CCDC102B: variants seen among roughly 807,000 people sequenced by gnomAD.
CCDC102B encodes the protein coiled-coil domain containing 102B.
In CCDC102B, 75 loss-of-function variants were observed where a neutral mutation model predicts 57.4. The ratio of observed to expected loss-of-function variants is 1.31; its 90% CI spans 1.08 to 1.58. CCDC102B has a LOEUF of 1.58. Ranked by LOEUF, CCDC102B falls within the 40% of genes most tolerant of loss-of-function variation. The pLI is 0.00. For missense variants in CCDC102B, 636 were observed against 582.6 expected (o/e 1.09, Z -0.94); for synonymous variants, 206 against 201.9 (o/e 1.02, Z -0.17).
At position 68,908,010 on chromosome 18, in the gene CCDC102B, A is replaced by G. The variant is rs1473295124; in HGVS notation, c.1263+10582A>G. ...TTTTTTCTCCCTGATCAAGTATTGC[A>G]TTTCATCATATGCTTTTCTGCATCA... On this transcript the variant is annotated intron_variant, in intron 6 of 7. Transcript: ENST00000360242. 6.6e-5 allele frequency: 10 copies of G among 151,984 alleles called. No individual in the cohort carries two copies. In the South Asian group the frequency reaches 2.1e-3, roughly 31 times the overall value. 9.4% of individuals were successfully genotyped at this position (151,984 alleles called of 1,614,324 possible). A position where few individuals can be genotyped will look rare whatever the true frequency, so the allele number is the denominator to read the frequency against.
Position 68,790,094 on chromosome 18 carries a change from A to T in CCDC102B, c.-66-33272A>T, listed in dbSNP as rs1312330228. Among the ~76,000 whole-genome samples, 4 of 148,620 alleles carry T rather than the reference A, an allele frequency of 2.7e-5. 1 individual carries two copies. In the East Asian group the frequency reaches 7.9e-4, roughly 29 times the overall value. On this transcript the variant is annotated intron_variant, in intron 2 of 3. Transcript: ENST00000578970. The stretch of plus-strand genomic sequence containing the variant: ...GTCTGTTGGAATACCCTGCCATGTG[A>T]GGTGTCAGTCTGCCCCTGCTGGGGG...
At chr18:68,953,355 C>CTT (rs5825890) in intron 6 of CCDC102B, among the ~76,000 whole-genome samples, 10,854 of 125,406 alleles carry the variant, frequency 0.087, 656 homozygotes, top group African/African-American at 0.11. Flanking sequence ...CAATACTTGT[C>CTT]TTTTTTTTTT....
chr18:68,733,514 A>C (rs1186783992), intron 2 of CCDC102B, among the ~76,000 whole-genome samples: 5 of 135,098 alleles, frequency 3.7e-5, no homozygotes, highest in African/African-American at 7.9e-5. Context: ...ATATTTTTTT[A>C]ACTTAAGCAT....
chr18:69,052,595 G>A (rs936999502), intron 7 of CCDC102B, among the ~76,000 whole-genome samples: 3 of 151,826 alleles, frequency 2.0e-5, no homozygotes, highest in African/African-American at 7.2e-5. Flanking sequence ...ATCTTTGTGT[G>A]AAGGTCATAG....
At chr18:68,780,146 T>A (rs1021910171) in intron 2 of CCDC102B, among the ~76,000 whole-genome samples, 1 of 152,144 alleles carries the variant, frequency 6.6e-6, no homozygotes, top group Non-Finnish European at 1.5e-5. Context: ...TTCTTTTACT[T>A]ATCATAATGT....
At chr18:68,946,255 T>C (rs892591531) in intron 6 of CCDC102B, among the ~76,000 whole-genome samples, 3 of 152,058 alleles carry the variant, frequency 2.0e-5, no homozygotes, top group African/African-American at 7.2e-5. Flanking sequence ...ACCTGTAGTT[T>C]AGTTTCTGTT....
chr18:68,809,510 AT>A (rs1273007112), intron 1 of CCDC102B, among the ~76,000 whole-genome samples: 5 of 152,170 alleles, frequency 3.3e-5, no homozygotes, highest in Non-Finnish European at 7.4e-5. Context: ...ATTTAACTCA[AT>A]TTTTGTTCTA....
At chr18:68,746,916 A>T (rs1046577871) in intron 2 of CCDC102B, among the ~76,000 whole-genome samples, 1 of 152,008 alleles carries the variant, frequency 6.6e-6, no homozygotes, top group Non-Finnish European at 1.5e-5. Flanking sequence ...AGAACATGTA[A>T]CATAAGATCT....
At chr18:68,810,982 A>G (rs556530234) in intron 1 of CCDC102B, among the ~76,000 whole-genome samples, 64 of 152,092 alleles carry the variant, frequency 4.2e-4, no homozygotes, top group Non-Finnish European at 7.2e-4. Flanking sequence ...GTTTGCTGAG[A>G]ATGATGGTTT....
intron 6 of CCDC102B, among the ~76,000 whole-genome samples, chr18:68,933,516 T>C (rs1040893191): frequency 2.6e-5 from 4 of 151,852 alleles, no homozygotes; most frequent in Non-Finnish European, 5.9e-5. Context: ...GGTATTGACA[T>C]TGGGAGAGTC....
At chr18:68,911,717 A>C (rs370132870) in intron 6 of CCDC102B, among the ~76,000 whole-genome samples, 3 of 120,046 alleles carry the variant, frequency 2.5e-5, no homozygotes, top group Non-Finnish European at 3.3e-5. Flanking sequence ...GCGCCACTGC[A>C]CTCCAGCCTG....
chr18:68,883,413 GA>G (rs898556345), intron 5 of CCDC102B, among the ~76,000 whole-genome samples: 4 of 150,608 alleles, frequency 2.7e-5, no homozygotes, highest in African/African-American at 9.8e-5. Flanking sequence ...TCTATCATGA[GA>G]AAAAAAAATG....
chr18:68,829,119 T>A (rs2037038223), intron 1 of CCDC102B, among the ~76,000 whole-genome samples: 1 of 151,622 alleles, frequency 6.6e-6, no homozygotes, highest in African/African-American at 2.4e-5. Context: ...GCTGGGCTTT[T>A]AAAAAATTTT....
intron 7 of CCDC102B, among the ~76,000 whole-genome samples, chr18:69,048,585 A>T (rs2052622611): frequency 6.6e-6 from 1 of 152,132 alleles, no homozygotes; most frequent in Non-Finnish European, 1.5e-5. Context: ...CAAATGTTTG[A>T]AATTCAGAAA....
In CCDC102B at chr18:69,000,803, C is replaced by T. The variant is rs2051181011; in HGVS notation, c.1264-10131C>T. 2.0e-5 allele frequency among the ~76,000 whole-genome samples: 3 copies of T among 152,214 alleles called. No individual in the cohort carries two copies. In the South Asian group the frequency reaches 6.2e-4, roughly 32 times the overall value. ...GTCAAATTTGGAAATTTGAATTTTA[C>T]ATTTGTGAAAGTTTATTTGTAAGCG... is the stretch of plus-strand genomic sequence containing the variant. On this transcript the variant is annotated intron_variant, in intron 6 of 7. Coordinates refer to ENST00000360242, the MANE Select transcript of CCDC102B (RefSeq NM_024781.3).
chr18:69,040,352 A>T (rs2052400402), intron 7 of CCDC102B, among the ~76,000 whole-genome samples: 1 of 151,362 alleles, frequency 6.6e-6, no homozygotes, highest in South Asian at 2.1e-4. Context: ...CATTAAACAA[A>T]TTATATCTAT....
At chr18:68,984,243 A>T (rs1054639459) in intron 6 of CCDC102B, among the ~76,000 whole-genome samples, 1 of 151,988 alleles carries the variant, frequency 6.6e-6, no homozygotes, top group Non-Finnish European at 1.5e-5. Flanking sequence ...ACATGAATAC[A>T]CTGTCTTCTC....
chr18:68,839,651 G>A (rs1357061819), intron 3 of CCDC102B, among the ~76,000 whole-genome samples: 1 of 152,144 alleles, frequency 6.6e-6, no homozygotes, highest in African/African-American at 2.4e-5. Flanking sequence ...TGGAAGGCTG[G>A]GGGCTGCAGC....
intron 2 of CCDC102B, among the ~76,000 whole-genome samples, chr18:68,772,318 G>T (rs1289927981): frequency 6.6e-6 from 1 of 152,068 alleles, no homozygotes; most frequent in African/African-American, 2.4e-5. Flanking sequence ...GAAATAATAT[G>T]AAAAGCTGGT....
Sources: gnomAD v4.1 joint callset for allele counts (sites outside exome capture counted in the v4.1 genomes callset) on GRCh38, gnomAD v4.1.1 for gene constraint, MANE v1.5 for transcripts, NCBI Gene and HGNC (gene_info 2026-07-23, HGNC 2026-07-21) for gene names.